The following WDR27 variants were observed in gnomAD, a reference collection of about 807,000 sequenced individuals.
WDR27 encodes the protein WD repeat domain 27, also known as WD repeat-containing protein 27.
A neutral mutation model predicts 114.4 loss-of-function variants in WDR27; 100 were observed. The observed-to-expected ratio is 0.87, with a 90% CI of 0.74 to 1.03. The LOEUF is 1.03. Ranked by LOEUF, WDR27 falls within the 50% of genes least tolerant of loss-of-function variation. The probability of loss-of-function intolerance (pLI) is 0.00; values close to 1 mark genes in which losing one functional copy is unlikely to be tolerated. For synonymous variants in WDR27, 449 were observed against 423.1 expected (o/e 1.06, Z -0.75); for missense variants, 1,129 against 1,092.9 (o/e 1.03, Z -0.47).
rs1190926611 is a variant in WDR27 at position 169,506,979 on chromosome 6, A to C, written c.2646-49345T>G. Among the ~76,000 whole-genome samples, 7 of 152,226 alleles carry C rather than the reference A, an allele frequency of 4.6e-5. No individual in the cohort carries two copies. The East Asian group carries it at 1.3e-3, about 29-fold the overall frequency. On this transcript the variant is annotated intron_variant, in intron 25 of 25. Coordinates refer to ENST00000448612, the MANE Select transcript of WDR27 (RefSeq NM_182552.5). ...ATATTAACTGCATTTAGATGCATCT[A>C]TATAAGGATTAGAATTTAATCCAAA... is the stretch of plus-strand genomic sequence containing the variant.
Position 169,646,729 on chromosome 6 carries a change from C to T in WDR27, c.1657+1044G>A, listed in dbSNP as rs144765261. ...TGCCACTGCACTCCAGCCTGGGCAA[C>T]AGAGTGAGTCTCTGTCTCAAAAAAA... is the stretch of plus-strand genomic sequence containing the variant. On this transcript the variant is annotated intron_variant, in intron 16 of 25. Transcript: ENST00000448612. 9.5e-3 allele frequency among the ~76,000 whole-genome samples: 1,341 copies of T among 140,450 alleles called. 14 individuals are homozygous for T. Among genetic ancestry groups the T allele is most frequent in the Non-Finnish European group, 0.015 (964 of 66,324 alleles). The allele number at this position is 140,450 out of a possible 152,430, so 92.1% of individuals were successfully genotyped here.
At chr6:169,578,674 G>A (rs1802864768) in intron 24 of WDR27, among the ~76,000 whole-genome samples, 1 of 152,088 alleles carries the variant, frequency 6.6e-6, no homozygotes, top group South Asian at 2.1e-4. Context: ...ACTAACATCT[G>A]CAAACAAAGC....
chr6:169,604,376 A>G (rs1808678216), intron 22 of WDR27, among the ~76,000 whole-genome samples: 1 of 152,160 alleles, frequency 6.6e-6, no homozygotes, highest in African/African-American at 2.4e-5. Flanking sequence ...GTTCCTGGAA[A>G]TACACAACTT....
chr6:169,471,224 G>C (rs1000859922), intron 25 of WDR27, among the ~76,000 whole-genome samples: 1 of 151,874 alleles, frequency 6.6e-6, no homozygotes, highest in Non-Finnish European at 1.5e-5. Context: ...TCAGCGTCAG[G>C]TCTAAGAATA....
rs376977708 is a variant in WDR27, at chr6:169,667,201, C to A, written c.661-14G>T. On this transcript the variant is annotated splice_polypyrimidine_tract_variant and intron_variant, in intron 5 of 25. Transcript: ENST00000448612. Reference sequence around the variant, plus strand: ...ATGGTCCCAGACCTTTGGATAAACACAGGATTCTTTAGAAGAGGTAACAAC... The same window carrying A: ...ATGGTCCCAGACCTTTGGATAAACAAAGGATTCTTTAGAAGAGGTAACAAC... 2.7e-6 allele frequency: 4 copies of A among 1,505,508 alleles called. No individual in the cohort carries two copies. The highest frequency in any genetic ancestry group is 3.5e-6 in the Non-Finnish European group (4 of 1,129,420). 93.3% of individuals were successfully genotyped at this position (1,505,508 alleles called of 1,614,324 possible). A position where few individuals can be genotyped will look rare whatever the true frequency, so the allele number is the denominator to read the frequency against.
At chr6:169,596,441 G>C (rs1562655789) in intron 23 of WDR27, among the ~76,000 whole-genome samples, 1 of 151,508 alleles carries the variant, frequency 6.6e-6, no homozygotes, top group Non-Finnish European at 1.5e-5. Context: ...ATTTTCATCA[G>C]TTCTCATTTC....
At chr6:169,555,242 G>T (rs1228525064) in intron 25 of WDR27, among the ~76,000 whole-genome samples, 1 of 152,144 alleles carries the variant, frequency 6.6e-6, no homozygotes. Context: ...CATTTCAGGG[G>T]ATGTCTCAGA....
rs192499039 is a variant in WDR27 at position 169,694,872 on chromosome 6, G to T, written c.-7-5860C>A. ...AAAGCATCTCTTTCCATTGATCCTTGAACATTTCTCATGAGTCTGGGCCAG... is the reference window on the plus strand; with the variant it reads ...AAAGCATCTCTTTCCATTGATCCTTTAACATTTCTCATGAGTCTGGGCCAG... On this transcript the variant is annotated intron_variant, in intron 1 of 25. Coordinates refer to ENST00000448612, the MANE Select transcript of WDR27 (RefSeq NM_182552.5). Among the ~76,000 whole-genome samples the T allele has an allele frequency of 4.3e-3, 661 of 152,340 alleles. 6 individuals are homozygous for T. The highest frequency in any genetic ancestry group is 0.015 in the African/African-American group (633 of 41,578).
intron 21 of WDR27, among the ~76,000 whole-genome samples, chr6:169,627,561 A>C (rs936831551): frequency 6.6e-6 from 1 of 152,192 alleles, no homozygotes; most frequent in Non-Finnish European, 1.5e-5. Context: ...GCCATTCACC[A>C]TGCCTGCTGT....
chr6:169,636,061 TTTATG>T lies in WDR27; in HGVS notation c.2003+305_2003+309del, dbSNP rs200482503. Among the ~76,000 whole-genome samples, 44 of 152,356 alleles carry T rather than the reference TTTATG, an allele frequency of 2.9e-4. No individual in the cohort carries two copies. In the East Asian group the frequency reaches 7.3e-3, roughly 25 times the overall value. On this transcript the variant is annotated intron_variant, in intron 19 of 25. Coordinates refer to ENST00000448612, the MANE Select transcript of WDR27 (RefSeq NM_182552.5). ...TATTTGAAACAGTTCATAATTTAAC[TTTATG>T]TTATCAATAGTATTTGTCCCACATA...
chr6:169,453,121 C>T (rs1183392059), downstream of WDR27, among the ~76,000 whole-genome samples: 1 of 152,228 alleles, frequency 6.6e-6, no homozygotes, highest in African/African-American at 2.4e-5. Flanking sequence ...AGATATAGAA[C>T]ACAAGCTGCT....
chr6:169,652,217 G>A (rs890891699), intron 13 of WDR27, among the ~76,000 whole-genome samples: 2 of 152,186 alleles, frequency 1.3e-5, no homozygotes, highest in African/African-American at 2.4e-5. Context: ...TAAGAAAATA[G>A]CCCAAGTTGG....
At chr6:169,593,726 G>A (rs1234410643) in intron 23 of WDR27, among the ~76,000 whole-genome samples, 2 of 152,082 alleles carry the variant, frequency 1.3e-5, no homozygotes, top group Non-Finnish European at 2.9e-5. Flanking sequence ...GCGGGCGCCT[G>A]TAATCCCAGC....
intron 8 of WDR27, among the ~76,000 whole-genome samples, chr6:169,662,747 T>C (rs56231287): frequency 3.7e-4 from 33 of 88,812 alleles, no homozygotes; most frequent in South Asian, 9.6e-4. Context: ...TCAGATCACG[T>C]GTCAAGGAAA....
intron 21 of WDR27, among the ~76,000 whole-genome samples, chr6:169,628,036 C>T (rs547959187): frequency 6.6e-6 from 1 of 152,126 alleles, no homozygotes; most frequent in South Asian, 2.1e-4. Context: ...AAGTTGCTCT[C>T]CCCCCAGAAT....
the WDR27 span, among the ~76,000 whole-genome samples, chr6:169,436,437 T>G: frequency 6.6e-6 from 1 of 151,710 alleles, no homozygotes; most frequent in Non-Finnish European, 1.5e-5. Flanking sequence ...ATTGGTTTAA[T>G]GAAAACAACT....
In WDR27 at chr6:169,659,313, G is replaced by C. The variant is rs181760338; in HGVS notation, c.1198-106C>G. On this transcript the variant is annotated intron_variant, in intron 11 of 25. Coordinates refer to ENST00000448612, the MANE Select transcript of WDR27 (RefSeq NM_182552.5). This position sits in a 1 kb window ranked among gnomAD's most constrained non-coding sequence, Gnocchi z 4.3. ...ACAGCTGCTTCATTCTCATAGCAGC[G>C]ACATCGCCCTGTCACTCCTAAAACG... is the stretch of plus-strand genomic sequence containing the variant. 1.9e-6 allele frequency: 3 copies of C among 1,553,258 alleles called. No individual in the cohort carries two copies. Among genetic ancestry groups the C allele is most frequent in the Non-Finnish European group, 2.6e-6 (3 of 1,142,944 alleles).
intron 25 of WDR27, among the ~76,000 whole-genome samples, chr6:169,538,057 GCAA>G (rs1171716142): frequency 6.6e-6 from 1 of 152,072 alleles, no homozygotes; most frequent in Non-Finnish European, 1.5e-5. Context: ...GAGAGATGGA[GCAA>G]GATAAGCCGT....
chr6:169,640,661 C>G (rs1043050189), intron 17 of WDR27, among the ~76,000 whole-genome samples: 2 of 152,264 alleles, frequency 1.3e-5, no homozygotes, highest in African/African-American at 4.8e-5. Flanking sequence ...TTCACAGACA[C>G]CTGCTGCAGG....
Sources: allele counts gnomAD v4.1 joint callset (sites outside exome capture counted in the v4.1 genomes callset), GRCh38; gene constraint gnomAD v4.1.1; non-coding constraint Gnocchi (gnomAD v3.1); transcripts MANE v1.5; gene names NCBI Gene and HGNC (gene_info 2026-07-23, HGNC 2026-07-21).